The following ADRA1A variants were observed in gnomAD, a reference collection of about 807,000 sequenced individuals.
The protein encoded by ADRA1A is alpha-1A adrenergic receptor.
Under a neutral mutation model 29.6 loss-of-function variants are expected in ADRA1A, and 31 were observed. That is an observed-to-expected ratio of 1.05 (90% CI 0.79 to 1.41). ADRA1A has a LOEUF of 1.41. Among genes scored for constraint, ADRA1A ranks in the 40% most tolerant of loss-of-function variants. The pLI is 0.00. For missense variants in ADRA1A, 619 were observed against 601.1 expected, an observed-to-expected ratio of 1.03 and a Z score of -0.31; for synonymous variants, 311 against 254.3, an observed-to-expected ratio of 1.22 and a Z score of -2.12.
intron 2 of ADRA1A, among the ~76,000 whole-genome samples, chr8:26,802,005 C>A (rs908587994): frequency 6.6e-6 from 1 of 152,140 alleles, no homozygotes; most frequent in Non-Finnish European, 1.5e-5. Context: ...CGAACACTCT[C>A]GTCAGTGAAT....
Position 26,796,766 on chromosome 8 carries a change from G to C in ADRA1A, c.884-26100C>G. On this transcript the variant is annotated intron_variant, in intron 2 of 2. Coordinates refer to ENST00000380573, the MANE Select transcript of ADRA1A (RefSeq NM_000680.4). This position sits in a 1 kb window ranked among gnomAD's most constrained non-coding sequence, Gnocchi z 5.0. The stretch of plus-strand genomic sequence containing the variant: ...AGATGAAGGGACACCCCTGAAATCG[G>C]GCACAGGCACATAGATTTGATACCA... Among the ~76,000 whole-genome samples, 1 of 152,064 alleles carries C rather than the reference G, an allele frequency of 6.6e-6. No homozygotes were observed. The highest frequency in any genetic ancestry group is 1.9e-4 in the East Asian group (1 of 5,188).
chr8:26,817,951 G>C (rs1257859382), intron 2 of ADRA1A, among the ~76,000 whole-genome samples: 1 of 152,206 alleles, frequency 6.6e-6, no homozygotes, highest in Non-Finnish European at 1.5e-5. Context: ...ACATCCTTCA[G>C]CTGGGGATTG....
chr8:26,820,734 G>A (rs1007709113), intron 2 of ADRA1A, among the ~76,000 whole-genome samples: 3 of 152,282 alleles, frequency 2.0e-5, no homozygotes, highest in African/African-American at 7.2e-5. Flanking sequence ...GAGATTCTGG[G>A]AAAATGCAGC....
intron 2 of ADRA1A, among the ~76,000 whole-genome samples, chr8:26,855,546 G>C (rs192247639): frequency 6.6e-6 from 1 of 152,084 alleles, no homozygotes. Context: ...CACATGACAC[G>C]GGGAGGGGAA....
In ADRA1A at chr8:26,768,853, C is replaced by T. The variant is rs962399088; in HGVS notation, c.*1296G>A. 6 of 983,962 alleles carry T rather than the reference C, an allele frequency of 6.1e-6. No homozygotes were observed. Among genetic ancestry groups the T allele is most frequent in the Non-Finnish European group, 7.2e-6 (6 of 828,678 alleles). 61.0% of individuals were successfully genotyped at this position (983,962 alleles called of 1,614,324 possible). ...TTACCAAAATTTGGTATACATAAAG[C>T]AAAATATAGCATGTTCCCCAAGCTC... On this transcript the variant is annotated 3_prime_UTR_variant, in exon 3 of 3. Transcript: ENST00000380573.
rs1729543417 is a variant in ADRA1A, at chr8:26,825,241, G to A, written c.883+38846C>T. ...GACAGTTCCTTCTTTAGGGAATGGGGGTCATAGAGATATCTTCACTCTCTA... is the reference window on the plus strand; with the variant it reads ...GACAGTTCCTTCTTTAGGGAATGGGAGTCATAGAGATATCTTCACTCTCTA... On this transcript the variant is annotated intron_variant, in intron 2 of 2. Coordinates refer to ENST00000380573, the MANE Select transcript of ADRA1A (RefSeq NM_000680.4). This position sits in a 1 kb window ranked among gnomAD's most constrained non-coding sequence, Gnocchi z 5.7. Among the ~76,000 whole-genome samples the A allele has an allele frequency of 6.6e-6, 1 of 152,082 alleles. No homozygotes were observed. The highest frequency in any genetic ancestry group is 6.6e-5 in the Admixed American group (1 of 15,266).
rs555347852 is a variant in ADRA1A, at chr8:26,797,036, T to G, written c.884-26370A>C. Among the ~76,000 whole-genome samples, 9 of 152,312 alleles carry G rather than the reference T, an allele frequency of 5.9e-5. No homozygotes were observed. The South Asian group carries it at 1.9e-3, about 32-fold the overall frequency. Reference sequence around the variant, plus strand: ...TATGTTCACAACGATACTAAGGCAGTATTTGCCTTTGCCACTATCATTCTG... The same window carrying G: ...TATGTTCACAACGATACTAAGGCAGGATTTGCCTTTGCCACTATCATTCTG... On this transcript the variant is annotated intron_variant, in intron 2 of 2. Transcript: ENST00000380573.
rs567064281 is a variant in ADRA1A, at chr8:26,817,432, G to C, written c.883+46655C>G. On this transcript the variant is annotated intron_variant, in intron 2 of 2. Coordinates refer to ENST00000380573, the MANE Select transcript of ADRA1A (RefSeq NM_000680.4). ...TGGATTGTTCATATATTGCTTAAAA[G>C]AATGCAAAATGATACAACCACTTTG... Among the ~76,000 whole-genome samples the C allele has an allele frequency of 3.3e-5, 5 of 152,284 alleles. No individual in the cohort carries two copies. In the South Asian group the frequency reaches 1.0e-3, roughly 32 times the overall value.
downstream of ADRA1A, among the ~76,000 whole-genome samples, chr8:26,752,895 A>G (rs1804980456): frequency 1.3e-5 from 2 of 152,230 alleles, no homozygotes. Context: ...TTAGCCCAGA[A>G]GCCCTCTAAT....
downstream of ADRA1A, among the ~76,000 whole-genome samples, chr8:26,754,408 G>A (rs1805059069): frequency 6.6e-6 from 1 of 151,828 alleles, no homozygotes; most frequent in Non-Finnish European, 1.5e-5. Context: ...CGTCAACTTA[G>A]TCGACCAAAT....
downstream of ADRA1A, among the ~76,000 whole-genome samples, chr8:26,766,908 A>G (rs1210316319): frequency 6.6e-6 from 1 of 152,166 alleles, no homozygotes; most frequent in Non-Finnish European, 1.5e-5. Context: ...ACTGTCTACC[A>G]TGGAATATTT....
intron 2 of ADRA1A, among the ~76,000 whole-genome samples, chr8:26,808,163 G>A (rs2130522177): frequency 6.6e-6 from 1 of 152,132 alleles, no homozygotes; most frequent in Non-Finnish European, 1.5e-5. Context: ...TTCTTCCAGT[G>A]TTTTATGCAA....
chr8:26,791,298 T>G (rs892952506), intron 2 of ADRA1A, among the ~76,000 whole-genome samples: 1 of 152,272 alleles, frequency 6.6e-6, no homozygotes. Flanking sequence ...TGTGGATAGA[T>G]TTGGAGTATT....
chr8:26,798,010 C>T (rs1307951065), intron 2 of ADRA1A, among the ~76,000 whole-genome samples: 1 of 147,150 alleles, frequency 6.8e-6, no homozygotes, highest in Admixed American at 6.7e-5. Context: ...GATGGAATCT[C>T]ACTTGTCACC....
At chr8:26,847,913 C>T (rs1044199163) in intron 2 of ADRA1A, among the ~76,000 whole-genome samples, 7 of 152,222 alleles carry the variant, frequency 4.6e-5, no homozygotes, top group African/African-American at 1.2e-4. Context: ...GCTTCACCAG[C>T]GCAGTGCTGC....
At position 26,769,620 on chromosome 8, in the gene ADRA1A, G is replaced by C. The variant is rs981485148; in HGVS notation, c.*529C>G. 7.1e-6 allele frequency: 7 copies of C among 985,596 alleles called. No homozygotes were observed. The South Asian group carries it at 3.3e-4, about 46-fold the overall frequency. 61.1% of individuals were successfully genotyped at this position (985,596 alleles called of 1,614,324 possible). ...CTGAGAAATTGGATGTATCAGAAAG[G>C]GTGGAGTTTCAGGACTTGCTCTAAA... On this transcript the variant is annotated 3_prime_UTR_variant, in exon 3 of 3. Coordinates refer to ENST00000380573, the MANE Select transcript of ADRA1A (RefSeq NM_000680.4).
At chr8:26,764,299 G>A (rs906428382), downstream of ADRA1A, among the ~76,000 whole-genome samples, 1 of 152,156 alleles carries the variant, frequency 6.6e-6, no homozygotes, top group Non-Finnish European at 1.5e-5. Flanking sequence ...AGAGCCTCCT[G>A]CCCTGCCTAT....
chr8:26,846,535 G>A (rs1027474284), intron 2 of ADRA1A, among the ~76,000 whole-genome samples: 7 of 152,132 alleles, frequency 4.6e-5, no homozygotes, highest in South Asian at 2.1e-4. Flanking sequence ...TTGGGAGGCC[G>A]AGGTGGGTGG....
intron 2 of ADRA1A, among the ~76,000 whole-genome samples, chr8:26,777,235 G>A (rs1806615803): frequency 6.6e-6 from 1 of 152,332 alleles, no homozygotes; most frequent in Non-Finnish European, 1.5e-5. Flanking sequence ...GGCTCTCTAA[G>A]AAGGTGGTCA....
Sources: allele counts gnomAD v4.1 joint callset (sites outside exome capture counted in the v4.1 genomes callset), GRCh38; gene constraint gnomAD v4.1.1; non-coding constraint Gnocchi (gnomAD v3.1); transcripts MANE v1.5; gene names NCBI Gene and HGNC (gene_info 2026-07-23, HGNC 2026-07-21).